The following KIAA0319 variants were observed in gnomAD, a reference collection of about 807,000 sequenced individuals.
The protein encoded by KIAA0319 is dyslexia-associated protein KIAA0319.
KIAA0319 carries 83 observed loss-of-function variants against 108.4 expected under a neutral mutation model. That is an observed-to-expected ratio of 0.77 (90% CI 0.64 to 0.92). KIAA0319 has a LOEUF of 0.92. Among genes scored for constraint, KIAA0319 ranks in the 40% least tolerant of loss-of-function variants. KIAA0319 has a pLI of 0.00. For synonymous variants in KIAA0319, 484 were observed against 510.4 expected, an observed-to-expected ratio of 0.95 and a Z score of 0.70; for missense variants, 1,195 against 1,322.4, an observed-to-expected ratio of 0.90 and a Z score of 1.49.
Position 24,599,573 on chromosome 6 carries a change from G to T in KIAA0319, c.55+1476C>A. 1.7e-6 allele frequency: 1 copy of T among 604,464 alleles called. No homozygotes were observed. Among genetic ancestry groups the T allele is most frequent in the South Asian group, 1.5e-5 (1 of 67,274 alleles). The allele number at this position is 604,464 out of a possible 1,614,324, so 37.4% of individuals were successfully genotyped here. ...AGAGCTGGCTGGAGTCTGGGATGCA[G>T]AACATGAATATCCATACAAAGACCA... On this transcript the variant is annotated intron_variant, in intron 2 of 20. Coordinates refer to ENST00000378214, the MANE Select transcript of KIAA0319 (RefSeq NM_014809.4). The surrounding 1 kb of genome is among the most constrained non-coding windows in gnomAD (Gnocchi z 4.1).
chr6:24,572,789 A>C lies in KIAA0319; in HGVS notation c.1735-91T>G, dbSNP rs975847961. 9 of 1,193,328 alleles carry C rather than the reference A, an allele frequency of 7.5e-6. No individual in the cohort carries two copies. The African/African-American group carries it at 1.2e-4, about 17-fold the overall frequency. 73.9% of individuals were successfully genotyped at this position (1,193,328 alleles called of 1,614,324 possible). On this transcript the variant is annotated intron_variant, in intron 10 of 20. Transcript: ENST00000378214. ...TAGTATGACAGAATGAAAAACTAACAATTTTACTTAATACAGAGATCTTGC... is the reference window on the plus strand; with the variant it reads ...TAGTATGACAGAATGAAAAACTAACCATTTTACTTAATACAGAGATCTTGC...
intron 10 of KIAA0319, among the ~76,000 whole-genome samples, chr6:24,574,795 C>T (rs72834991): frequency 0.14 from 21,113 of 150,500 alleles, 1,519 homozygotes; most frequent in Middle Eastern, 0.21. Context: ...CTTTTAAGAA[C>T]TTTTGAAAAA....
Position 24,596,131 on chromosome 6 carries a change from C to T in KIAA0319, c.543G>A (p.Glu181=), listed in dbSNP as rs1261006427. Residue 181 remains glutamate, a synonymous_variant, in exon 3 of 21, where the codon GAG becomes GAA. Coordinates refer to ENST00000378214, the MANE Select transcript of KIAA0319 (RefSeq NM_014809.4). ...SGKQEPRGSA[E]YTDWGLLPGS... is the part of the protein sequence containing the mutation. ...CCGGCAGTAGGCCCCAGTCCGTGTA[C>T]TCGGCACTCCCTCTGGGCTCCTGCT... 1.9e-6 allele frequency: 3 copies of T among 1,614,050 alleles called. No individual in the cohort carries two copies. The highest frequency in any genetic ancestry group is 1.3e-5 in the African/African-American group (1 of 74,922).
chr6:24,598,472 G>GGCA (rs1770092329), intron 2 of KIAA0319: 2 of 510,182 alleles, frequency 3.9e-6, no homozygotes, highest in Non-Finnish European at 7.5e-6. Flanking sequence ...ATCAACCTAT[G>GGCA]GCAGCAGCTG....
At chr6:24,610,376 CAAT>C in intron 1 of KIAA0319, among the ~76,000 whole-genome samples, 1 of 152,166 alleles carries the variant, frequency 6.6e-6, no homozygotes, top group Non-Finnish European at 1.5e-5. Context: ...GTCAGAGAGA[CAAT>C]GAGATACCAC....
At chr6:24,571,378 CAAAAA>C (rs34896696) in intron 11 of KIAA0319, among the ~76,000 whole-genome samples, 2 of 118,704 alleles carry the variant, frequency 1.7e-5, no homozygotes. Context: ...CCCTGTCTCA[CAAAAA>C]AAAAAAAAAA....
chr6:24,623,382 A>T (rs1356706064), intron 1 of KIAA0319, among the ~76,000 whole-genome samples: 1 of 152,178 alleles, frequency 6.6e-6, no homozygotes, highest in Admixed American at 6.5e-5. Flanking sequence ...GTGAAGAAAT[A>T]ATAGAACAAA....
intron 3 of KIAA0319, among the ~76,000 whole-genome samples, chr6:24,594,189 A>C: frequency 9.9e-6 from 1 of 100,572 alleles, no homozygotes; most frequent in Non-Finnish European, 1.8e-5. Flanking sequence ...ACAGAGTGAG[A>C]CTCTGTCTCA....
At chr6:24,640,749 C>T (rs1359417532) in intron 1 of KIAA0319, among the ~76,000 whole-genome samples, 2 of 152,026 alleles carry the variant, frequency 1.3e-5, no homozygotes, top group Non-Finnish European at 2.9e-5. Flanking sequence ...ACCTCCTGGG[C>T]TCAAATGATC....
chr6:24,621,965 G>A (rs941459938), intron 1 of KIAA0319, among the ~76,000 whole-genome samples: 5 of 152,142 alleles, frequency 3.3e-5, no homozygotes, highest in Non-Finnish European at 7.4e-5. Flanking sequence ...CTCAAGAGAC[G>A]GAGATCTACC....
At chr6:24,607,305 G>A (rs534611033) in intron 1 of KIAA0319, among the ~76,000 whole-genome samples, 8 of 151,922 alleles carry the variant, frequency 5.3e-5, no homozygotes, top group South Asian at 2.1e-4. Context: ...GCAGTGAGCC[G>A]AGATCGTGCC....
chr6:24,617,462 G>A (rs12202770), intron 1 of KIAA0319, among the ~76,000 whole-genome samples: 1 of 152,114 alleles, frequency 6.6e-6, no homozygotes, highest in African/African-American at 2.4e-5. Context: ...TAAATACCTA[G>A]CTGTACTCAC....
At chr6:24,645,555 C>T (rs1777507968) in intron 1 of KIAA0319, 181 bp downstream of exon 1, 3 of 152,190 alleles carry the variant, frequency 2.0e-5, no homozygotes, top group Non-Finnish European at 2.9e-5. Flanking sequence ...CTCCACCCTA[C>T]TAGTCAACAA....
intron 1 of KIAA0319, among the ~76,000 whole-genome samples, chr6:24,608,220 A>G (rs975203927): frequency 6.6e-6 from 1 of 152,104 alleles, no homozygotes; most frequent in Non-Finnish European, 1.5e-5. Context: ...AAATAAATAA[A>G]TAAATAAATA....
At chr6:24,587,146 T>C (rs1316715123) in intron 4 of KIAA0319, among the ~76,000 whole-genome samples, 4 of 152,342 alleles carry the variant, frequency 2.6e-5, no homozygotes, top group Admixed American at 2.0e-4. Flanking sequence ...CAATCACTTA[T>C]CAAATCTTTG....
At position 24,639,660 on chromosome 6, in the gene KIAA0319, C is replaced by T. The variant is rs149908007; in HGVS notation, c.-106+6076G>A. Among the ~76,000 whole-genome samples the T allele has an allele frequency of 3.6e-3, 551 of 152,124 alleles. 2 individuals carry two copies. Among genetic ancestry groups the T allele is most frequent in the African/African-American group, 0.011 (477 of 41,516 alleles). On this transcript the variant is annotated intron_variant, in intron 1 of 20. Coordinates refer to ENST00000378214, the MANE Select transcript of KIAA0319 (RefSeq NM_014809.4). ...GTCAGGAGTTTCAAACCAGCCTGGC[C>T]AACATAGTGAAACCCCATTTCTACT...
intron 1 of KIAA0319, among the ~76,000 whole-genome samples, chr6:24,637,610 G>T (rs544164168): frequency 6.6e-6 from 1 of 152,300 alleles, no homozygotes; most frequent in African/African-American, 2.4e-5. Flanking sequence ...TGGAGCTTAT[G>T]TTGAGAAATA....
intron 1 of KIAA0319, among the ~76,000 whole-genome samples, chr6:24,619,923 G>A (rs1773689356): frequency 6.6e-6 from 1 of 152,174 alleles, no homozygotes; most frequent in East Asian, 1.9e-4. Flanking sequence ...GTTCCAGCCT[G>A]ACTAAAAAGT....
chr6:24,592,827 C>T (rs867533557), intron 3 of KIAA0319, among the ~76,000 whole-genome samples: 4 of 151,878 alleles, frequency 2.6e-5, no homozygotes, highest in African/African-American at 9.7e-5. Flanking sequence ...AAAAATTAGC[C>T]GGGTGTGGTG....
Sources: allele counts gnomAD v4.1 joint callset (sites outside exome capture counted in the v4.1 genomes callset), GRCh38; gene constraint gnomAD v4.1.1; non-coding constraint Gnocchi (gnomAD v3.1); transcripts MANE v1.5; gene names NCBI Gene and HGNC (gene_info 2026-07-23, HGNC 2026-07-21).